Variants in RYR1 observed in about 807,000 individuals in gnomAD.
The protein encoded by RYR1 is ryanodine receptor 1, also known as central core disease of muscle.
Under a neutral mutation model 583.5 loss-of-function variants are expected in RYR1, and 342 were observed. The ratio of observed to expected loss-of-function variants is 0.59; its 90% CI spans 0.54 to 0.64. The LOEUF (loss-of-function observed/expected upper bound fraction) is 0.64. Ranked by LOEUF, RYR1 falls within the 30% of genes least tolerant of loss-of-function variation. The pLI, the probability that RYR1 is intolerant of heterozygous loss-of-function variation, is 0.00. For synonymous variants in RYR1, 2,791 were observed against 2,822.5 expected (o/e 0.99, Z 0.35); for missense variants, 6,032 against 6,917.2 (o/e 0.87, Z 4.54).
chr19:38,565,524 C>G lies in RYR1; in HGVS notation c.13190C>G (p.Ala4397Gly), dbSNP rs1057520588. The G allele has an allele frequency of 1.0e-4, 156 of 1,502,796 alleles. No individual in the cohort carries two copies. The highest frequency in any genetic ancestry group is 1.3e-4 in the Non-Finnish European group (151 of 1,133,328). 93.1% of individuals were successfully genotyped at this position (1,502,796 alleles called of 1,614,324 possible). The stretch of plus-strand genomic sequence containing the variant: ...GACGAGGTGCACGGCGAGCAGCCGG[C>G]CGGGCCGGGCGGAGACGCAGACGGC... ...TSDEVHGEQP[A>G]GPGGDADGEG... The change falls in exon 91 of 106, where the codon GCC (alanine) becomes GGC (glycine). Residue 4397 changes from alanine (A) to glycine (G), a missense_variant. Coordinates refer to ENST00000359596, the MANE Select transcript of RYR1 (RefSeq NM_000540.3). The surrounding 1 kb of genome is among the most constrained non-coding windows in gnomAD (Gnocchi z 4.7).
At position 38,527,930 on chromosome 19, in the gene RYR1, C is replaced by T. The variant is rs1483375118; in HGVS notation, c.10824+146C>T. 3 of 865,538 alleles carry T rather than the reference C, an allele frequency of 3.5e-6. No homozygotes were observed. The African/African-American group carries it at 5.6e-5, about 16-fold the overall frequency. The allele number at this position is 865,538 out of a possible 1,614,324, so 53.6% of individuals were successfully genotyped here. On this transcript the variant is annotated intron_variant, in intron 73 of 105. Coordinates refer to ENST00000359596, the MANE Select transcript of RYR1 (RefSeq NM_000540.3). ...GTGGAGCCTCGAGTTTAAGGCGAGG[C>T]TTAGAATGGATCGGGGGAGGGGTCT...
intron 83 of RYR1, 151 bp from the exon 84 acceptor site, chr19:38,537,729 C>A: frequency 1.3e-6 from 1 of 777,980 alleles, no homozygotes; most frequent in South Asian, 1.4e-5. Flanking sequence ...ATGCCCATGG[C>A]CCTCACAGTG....
Position 38,570,586 on chromosome 19 carries a change from T to A in RYR1, c.13660-21T>A, listed in dbSNP as rs780200776. The A allele has an allele frequency of 2.5e-6, 4 of 1,599,730 alleles. No individual in the cohort carries two copies. In the African/African-American group the frequency reaches 5.4e-5, roughly 21 times the overall value. On this transcript the variant is annotated intron_variant, in intron 93 of 105. Transcript: ENST00000359596. The stretch of plus-strand genomic sequence containing the variant: ...GAGGCTGATCTGTGAGCGCTTTCTC[T>A]CTTTTTCTCTTCTCTCTCAGAACTA...
chr19:38,585,122 C>T (rs557854698), intron 102 of RYR1, 23 bp downstream of exon 102: 1 of 1,612,034 alleles, frequency 6.2e-7, no homozygotes, highest in Non-Finnish European at 8.5e-7. Flanking sequence ...AGTGGGCGCT[C>T]AGGGCCCGGA....
Position 38,546,459 on chromosome 19 carries a change from C to T in RYR1, c.12027C>T (p.Ile4009=), listed in dbSNP as rs749580913. Residue 4009 remains isoleucine (I), a synonymous_variant, in exon 88 of 106, where the codon ATC becomes ATT. Coordinates refer to ENST00000359596, the MANE Select transcript of RYR1 (RefSeq NM_000540.3). ...GGGATCTCTAGGACTCAAGCCAGAT[C>T]GAGCTGCTGAAGGAGCTGCTGGATC... ...MMKLAQDSSQ[I]ELLKELLDLQ... is the part of the protein sequence containing the mutation. 7.4e-6 allele frequency: 12 copies of T among 1,613,830 alleles called. No individual in the cohort carries two copies. The highest frequency in any genetic ancestry group is 2.2e-5 in the East Asian group (1 of 44,830).
chr19:38,514,026 C>A (rs1483803257), intron 63 of RYR1, among the ~76,000 whole-genome samples: 1 of 152,076 alleles, frequency 6.6e-6, no homozygotes, highest in Non-Finnish European at 1.5e-5. Flanking sequence ...GTTTCTCCTG[C>A]TGCATTTGGT....
At chr19:38,527,245 T>C (rs2145718407) in intron 72 of RYR1, among the ~76,000 whole-genome samples, 193 bp downstream of exon 72, 1 of 152,238 alleles carries the variant, frequency 6.6e-6, no homozygotes, top group Middle Eastern at 3.4e-3. Context: ...GCACAATGGC[T>C]CATGCCTGTA....
intron 73 of RYR1, chr19:38,528,021 C>T (rs1971552679): frequency 8.0e-6 from 5 of 621,884 alleles, no homozygotes; most frequent in Non-Finnish European, 1.1e-5. Flanking sequence ...AGGGGTGGGG[C>T]CTAGAGGAGA....
At position 38,573,267 on chromosome 19, in the gene RYR1, G is replaced by C; in HGVS notation, c.14089G>C (p.Asp4697His). ...CATCACGGAGCAGCCTGAGGACGAT[G>C]ACGTGAAGGGGCAGTGGGACCGACT... is the stretch of plus-strand genomic sequence containing the variant. ...LYITEQPEDD[D>H]VKGQWDRLVL... is the part of the protein sequence containing the mutation. The change falls in exon 96 of 106, where the codon GAC (aspartate) becomes CAC (histidine). Residue 4697 changes from aspartate to histidine, a missense_variant. Asp to His is a moderately conservative substitution (Grantham distance 81, BLOSUM62 -1). Coordinates refer to ENST00000359596, the MANE Select transcript of RYR1 (RefSeq NM_000540.3). 1 of 1,614,012 alleles carries C rather than the reference G, an allele frequency of 6.2e-7. No homozygotes were observed. Among genetic ancestry groups the C allele is most frequent in the Non-Finnish European group, 8.5e-7 (1 of 1,179,962 alleles).
At chr19:38,574,298 A>T (rs978061310) in intron 96 of RYR1, among the ~76,000 whole-genome samples, 2 of 151,354 alleles carry the variant, frequency 1.3e-5, no homozygotes, top group Non-Finnish European at 2.9e-5. Flanking sequence ...GAAAGGAAAA[A>T]AAAAAAAGAA....
chr19:38,525,139 G>A (rs1014079548), intron 70 of RYR1, among the ~76,000 whole-genome samples, 193 bp from the exon 71 acceptor site: 1 of 152,170 alleles, frequency 6.6e-6, no homozygotes, highest in Non-Finnish European at 1.5e-5. Context: ...TGGGTCTGGA[G>A]GGTCTCCGGT....
chr19:38,529,091 C>G, intron 76 of RYR1, 34 bp downstream of exon 76: 1 of 1,609,116 alleles, frequency 6.2e-7, no homozygotes, highest in Non-Finnish European at 8.5e-7. Flanking sequence ...AGAAATGCCC[C>G]CAAGGTCCTG....
intron 9 of RYR1, 69 bp from the exon 10 acceptor site, chr19:38,448,286 G>T (rs910393175): frequency 6.6e-7 from 1 of 1,520,832 alleles, no homozygotes; most frequent in Non-Finnish European, 8.9e-7. Context: ...AGAAAAAGAA[G>T]AAAAGACTGT....
At chr19:38,533,863 A>G (rs1180615294) in intron 78 of RYR1, among the ~76,000 whole-genome samples, 3 of 152,128 alleles carry the variant, frequency 2.0e-5, no homozygotes, top group Non-Finnish European at 4.4e-5. Flanking sequence ...ACTGATATTT[A>G]AAGACATCTT....
intron 25 of RYR1, 131 bp downstream of exon 25, chr19:38,467,943 C>T (rs1673944581): frequency 1.3e-6 from 1 of 755,272 alleles, no homozygotes; most frequent in South Asian, 1.6e-5. Flanking sequence ...CTCATCCACC[C>T]ATCTATCCAT....
intron 89 of RYR1, among the ~76,000 whole-genome samples, chr19:38,559,819 T>C (rs1281789191): frequency 1.3e-5 from 2 of 152,106 alleles, no homozygotes; most frequent in Non-Finnish European, 2.9e-5. Flanking sequence ...CTGGAGGTAA[T>C]GAAATTAATT....
At chr19:38,484,150 G>C (rs186194298) in intron 33 of RYR1, among the ~76,000 whole-genome samples, 248 of 152,202 alleles carry the variant, frequency 1.6e-3, no homozygotes, top group Non-Finnish European at 2.6e-3. Flanking sequence ...AAATTAGCCA[G>C]TTGTGGTGGT....
In RYR1 at chr19:38,504,819, CTA is replaced by C. The variant is rs990931567; in HGVS notation, c.8141_8142del (p.Tyr2714CysfsTer8). On this transcript the variant is annotated frameshift_variant, in exon 51 of 106. Transcript: ENST00000359596. LOFTEE classifies it high-confidence loss of function. Reference protein sequence around the residue: ...CAIAGALPPDYVDASYSSKAE... With the variant: ...CAIAGALPPDXVDASYSSKAE... The stretch of plus-strand genomic sequence containing the variant: ...CCATTGCCGGGGCTCTGCCCCCCGA[CTA>C]TGTGGATGCCTCATACTCATCTAAG... 1 of 1,614,016 alleles carries C rather than the reference CTA, an allele frequency of 6.2e-7. No homozygotes were observed. Among genetic ancestry groups the C allele is most frequent in the Non-Finnish European group, 8.5e-7 (1 of 1,180,010 alleles).
intron 7 of RYR1, among the ~76,000 whole-genome samples, chr19:38,445,819 A>G (rs1436319867): frequency 2.6e-5 from 4 of 152,056 alleles, no homozygotes; most frequent in Admixed American, 2.6e-4. Context: ...GCAAAACCCC[A>G]TCTCTACTAA....
Sources: allele counts gnomAD v4.1 joint callset (sites outside exome capture counted in the v4.1 genomes callset), GRCh38; gene constraint gnomAD v4.1.1; non-coding constraint Gnocchi (gnomAD v3.1); transcripts MANE v1.5; gene names NCBI Gene and HGNC (gene_info 2026-07-23, HGNC 2026-07-21).